The following PCDHA3 variants were observed in gnomAD, a reference collection of about 807,000 sequenced individuals.
PCDHA3 encodes the protein protocadherin alpha-3.
PCDHA3 carries 41 observed loss-of-function variants against 62.2 expected under a neutral mutation model. The observed-to-expected ratio is 0.66, with a 90% CI of 0.51 to 0.86. The LOEUF (loss-of-function observed/expected upper bound fraction) is 0.86, where lower values mean the gene tolerates loss of function less well. PCDHA3 is among the 40% of genes least tolerant of loss of function. The probability of loss-of-function intolerance (pLI) is 0.00; values close to 1 mark genes in which losing one functional copy is unlikely to be tolerated. For missense variants in PCDHA3, 1,304 were observed against 1,241.2 expected (o/e 1.05, Z -0.76); for synonymous variants, 640 against 555.4 (o/e 1.15, Z -2.14).
At chr5:141,007,328 A>G (rs1018961755) in intron 3 of PCDHA3, among the ~76,000 whole-genome samples, 1 of 149,092 alleles carries the variant, frequency 6.7e-6, no homozygotes, top group African/African-American at 2.5e-5. Context: ...AAGTGGACAG[A>G]TTGCCTGAGC....
chr5:140,818,281 T>C (rs1475330326), intron 1 of PCDHA3, among the ~76,000 whole-genome samples: 2 of 152,230 alleles, frequency 1.3e-5, no homozygotes, highest in Non-Finnish European at 2.9e-5. Flanking sequence ...TGTTTCATAA[T>C]CCATGTTTTA....
In PCDHA3 at chr5:140,834,484, C is replaced by T. The variant is rs2150219400; in HGVS notation, c.2394+30893C>T. 6.2e-6 allele frequency: 10 copies of T among 1,614,154 alleles called. No homozygotes were observed. The Admixed American group carries it at 8.3e-5, about 13-fold the overall frequency. On this transcript the variant is annotated intron_variant, in intron 1 of 3. Transcript: ENST00000522353. Reference sequence around the variant, plus strand: ...GCAGGGAGAGGCCAGCTCCACTACTCGGTCCCCGAGGAGGCTAAACATGGC... The same window carrying T: ...GCAGGGAGAGGCCAGCTCCACTACTTGGTCCCCGAGGAGGCTAAACATGGC...
chr5:140,941,841 A>G (rs1483251367), intron 1 of PCDHA3, among the ~76,000 whole-genome samples: 1 of 152,180 alleles, frequency 6.6e-6, no homozygotes, highest in Non-Finnish European at 1.5e-5. Flanking sequence ...TTAGGCTGCC[A>G]TTACCTGATA....
intron 1 of PCDHA3, among the ~76,000 whole-genome samples, chr5:140,975,537 C>T (rs1554236874): frequency 6.6e-6 from 1 of 152,166 alleles, no homozygotes; most frequent in African/African-American, 2.4e-5. Context: ...ATTCTTAATA[C>T]AGTCCTATTA....
intron 1 of PCDHA3, among the ~76,000 whole-genome samples, chr5:140,899,689 C>A (rs1033793263): frequency 4.6e-5 from 7 of 152,254 alleles, no homozygotes; most frequent in Admixed American, 4.6e-4. Flanking sequence ...ATGATGCTGG[C>A]CTCATAAAAT....
At chr5:140,929,459 G>A in intron 1 of PCDHA3, 1 of 1,350,080 alleles carries the variant, frequency 7.4e-7, no homozygotes. Flanking sequence ...CACTTCCTGT[G>A]CCAAGAAATC....
intron 1 of PCDHA3, among the ~76,000 whole-genome samples, chr5:140,873,716 A>G (rs1476838319): frequency 6.6e-6 from 1 of 152,184 alleles, no homozygotes; most frequent in Non-Finnish European, 1.5e-5. Context: ...GCTGGTGTGC[A>G]GTGGCGCAAT....
rs141394050 is a variant in PCDHA3 at position 140,948,629 on chromosome 5, T to C, written c.2395-30320T>C. 8.2e-3 allele frequency among the ~76,000 whole-genome samples: 1,244 copies of C among 151,828 alleles called. 11 individuals are homozygous for C. Among genetic ancestry groups the C allele is most frequent in the Non-Finnish European group, 0.013 (908 of 67,578 alleles). On this transcript the variant is annotated intron_variant, in intron 1 of 3. Transcript: ENST00000522353. ...TTTTGGCACAAAGTTGTTAATAATA[T>C]TCTCTCATCTTTTAACGTCTGTATA...
At chr5:140,877,103 C>T (rs782607272) in intron 1 of PCDHA3, 7 of 1,613,552 alleles carry the variant, frequency 4.3e-6, no homozygotes, top group Non-Finnish European at 5.9e-6. Flanking sequence ...GGCGTGCCGC[C>T]TCTGGGCAGC....
Position 140,802,063 on chromosome 5 carries a change from T to C in PCDHA3, c.866T>C (p.Ile289Thr), listed in dbSNP as rs3733709. The C allele has an allele frequency of 0.12, 193,746 of 1,614,098 alleles. 12,557 individuals are homozygous for C. Among genetic ancestry groups the C allele is most frequent in the Non-Finnish European group, 0.13 (149,901 of 1,180,010 alleles). The change falls in exon 1 of 4, where the codon ATT becomes ACT. Residue 289 changes from isoleucine (I) to threonine (T), a missense_variant. Physicochemically the swap from Ile to Thr is moderately conservative, Grantham distance 89. Transcript: ENST00000522353. ...YSFNTDMSAD[I>T]LSKFHLDPVN... ...TTCAATACGGACATGTCAGCAGATA[T>C]TCTGTCAAAATTCCATTTAGATCCA...
rs1562356930 is a variant in PCDHA3, at chr5:140,836,340, G to A, written c.2394+32749G>A. ...CCACCGCCTTCTGGTGCTTGTGAAG[G>A]ACCACGGGGAGCCCTCGCTGACAGC... On this transcript the variant is annotated intron_variant, in intron 1 of 3. Transcript: ENST00000522353. 9.3e-6 allele frequency: 15 copies of A among 1,613,706 alleles called. 1 individual carries two copies. Among genetic ancestry groups the A allele is most frequent in the Non-Finnish European group, 1.3e-5 (15 of 1,179,826 alleles).
intron 1 of PCDHA3, chr5:140,857,742 T>A (rs375305711): frequency 1.3e-6 from 2 of 1,597,392 alleles, no homozygotes; most frequent in Non-Finnish European, 1.7e-6. Flanking sequence ...CCCGCGCTGC[T>A]GGCGTCTCCC....
At position 140,835,575 on chromosome 5, in the gene PCDHA3, G is replaced by A; in HGVS notation, c.2394+31984G>A. The A allele has an allele frequency of 6.2e-7, 1 of 1,613,870 alleles. No individual in the cohort carries two copies. ...GACGCCCCGCGTTCCCTTCAAGTTG[G>A]TGTCCACCTTCAAGAATTACTATTC... On this transcript the variant is annotated intron_variant, in intron 1 of 3. Transcript: ENST00000522353.
At chr5:140,998,769 G>A (rs1210690974) in intron 3 of PCDHA3, among the ~76,000 whole-genome samples, 1 of 152,054 alleles carries the variant, frequency 6.6e-6, no homozygotes, top group Non-Finnish European at 1.5e-5. Flanking sequence ...TCACTATGTT[G>A]GTCAGGCTGG....
rs1363976699 is a variant in PCDHA3, at chr5:140,802,680, G to T, written c.1483G>T (p.Val495Leu). ...QENALVSYSL[V>L]ERRVGERALS... ...GAACGCCCTGGTGTCCTACTCGCTG[G>T]TGGAACGGCGGGTGGGGGAGCGCGC... Residue 495 changes from valine to leucine, a missense_variant, in exon 1 of 4, where the codon GTG becomes TTG. Coordinates refer to ENST00000522353, the MANE Select transcript of PCDHA3 (RefSeq NM_018906.3). 1.2e-6 allele frequency: 2 copies of T among 1,613,106 alleles called. No individual in the cohort carries two copies. Among genetic ancestry groups the T allele is most frequent in the Admixed American group, 3.3e-5 (2 of 59,994 alleles).
intron 1 of PCDHA3, among the ~76,000 whole-genome samples, chr5:140,917,013 A>G (rs565656440): frequency 2.6e-4 from 39 of 152,080 alleles, no homozygotes; most frequent in Non-Finnish European, 4.6e-4. Context: ...ATCTCCCTTC[A>G]TGTGCAGCTG....
At chr5:140,998,850 A>G (rs904977478) in intron 3 of PCDHA3, among the ~76,000 whole-genome samples, 18 of 152,234 alleles carry the variant, frequency 1.2e-4, no homozygotes, top group Non-Finnish European at 2.1e-4. Context: ...GGTGTGAGCC[A>G]CATGCCTGGC....
chr5:140,848,969 C>G (rs2150427245), intron 1 of PCDHA3: 31 of 1,604,278 alleles, frequency 1.9e-5, no homozygotes, highest in Non-Finnish European at 2.6e-5. Context: ...AGGGCGCGTC[C>G]GATGCAGATA....
intron 1 of PCDHA3, among the ~76,000 whole-genome samples, chr5:140,940,057 A>G (rs2092538975): frequency 6.6e-6 from 1 of 152,224 alleles, no homozygotes; most frequent in African/African-American, 2.4e-5. Flanking sequence ...TTCTTAACCA[A>G]ATATAAATAT....
Sources: allele counts gnomAD v4.1 joint callset (sites outside exome capture counted in the v4.1 genomes callset), GRCh38; gene constraint gnomAD v4.1.1; transcripts MANE v1.5; gene names NCBI Gene and HGNC (gene_info 2026-07-23, HGNC 2026-07-21).